The following FOXP1 variants were observed in gnomAD, a reference collection of about 807,000 sequenced individuals.
FOXP1 encodes forkhead box protein P1.
In FOXP1, 15 loss-of-function variants were observed where a neutral mutation model predicts 98.2. That is an observed-to-expected ratio of 0.15 (90% CI 0.10 to 0.24). The LOEUF (loss-of-function observed/expected upper bound fraction) is 0.24, where lower values mean the gene tolerates loss of function less well. Among genes scored for constraint, FOXP1 ranks in the 10% least tolerant of loss-of-function variants. The pLI, the probability that FOXP1 is intolerant of heterozygous loss-of-function variation, is 1.00. For missense variants in FOXP1, 633 were observed against 848.5 expected (o/e 0.75, Z 3.15); for synonymous variants, 371 against 314.5 (o/e 1.18, Z -1.90).
At chr3:71,113,156 G>A (rs1010647645) in intron 6 of FOXP1, among the ~76,000 whole-genome samples, 8 of 152,286 alleles carry the variant, frequency 5.3e-5, no homozygotes, top group Admixed American at 4.6e-4. Context: ...AGGCTACGTA[G>A]AAAGGAAGAT....
intron 2 of FOXP1, among the ~76,000 whole-genome samples, chr3:71,504,797 T>C (rs1250453993): frequency 6.6e-6 from 1 of 152,210 alleles, no homozygotes; most frequent in African/African-American, 2.4e-5. Flanking sequence ...CGCTGGTCCT[T>C]CACCCTGGTG....
rs746950766 is a variant in FOXP1, at chr3:71,437,411, GCAAAACAAAA to G, written c.-168+56005_-168+56014del. 9.9e-5 allele frequency among the ~76,000 whole-genome samples: 15 copies of G among 151,964 alleles called. 1 individual carries two copies. Among genetic ancestry groups the G allele is most frequent in the African/African-American group, 3.4e-4 (14 of 41,356 alleles). The stretch of plus-strand genomic sequence containing the variant: ...GACAGAATGAGACCCTGTCTCAAAA[GCAAAACAAAA>G]CAAAACAAAACAAACAGAAAACAAA... On this transcript the variant is annotated intron_variant, in intron 3 of 20. Transcript: ENST00000649528.
intron 13 of FOXP1, among the ~76,000 whole-genome samples, chr3:70,991,744 T>G (rs2040632525): frequency 6.6e-6 from 1 of 152,204 alleles, no homozygotes; most frequent in Non-Finnish European, 1.5e-5. Flanking sequence ...AATCCATTAA[T>G]CCTATTCTGT....
chr3:71,203,205 A>G lies in FOXP1; in HGVS notation c.-11-4813T>C, dbSNP rs71298373. On this transcript the variant is annotated intron_variant, in intron 5 of 20. Coordinates refer to ENST00000649528, the MANE Select transcript of FOXP1 (RefSeq NM_001349338.3). ...CCTGTTTAAATCACGTGATCCATTT[A>G]ATATAACCCTACAAAGGTCAATGCT... 7.1e-3 allele frequency among the ~76,000 whole-genome samples: 1,074 copies of G among 152,330 alleles called. 9 individuals carry two copies. Among genetic ancestry groups the G allele is most frequent in the Non-Finnish European group, 0.01 (710 of 68,034 alleles).
intron 7 of FOXP1, among the ~76,000 whole-genome samples, chr3:71,073,495 G>GACT (rs1271700388): frequency 1.3e-5 from 2 of 152,186 alleles, no homozygotes; most frequent in African/African-American, 4.8e-5. Context: ...ACTGCACATA[G>GACT]AGAAGGCTAC....
intron 2 of FOXP1, among the ~76,000 whole-genome samples, chr3:71,547,354 C>T (rs1444767473): frequency 6.6e-6 from 1 of 152,160 alleles, no homozygotes; most frequent in African/African-American, 2.4e-5. Context: ...CCAGCAAGAA[C>T]GCTCTTCTTT....
chr3:71,503,356 C>T (rs75511146), intron 2 of FOXP1, among the ~76,000 whole-genome samples: 5 of 152,096 alleles, frequency 3.3e-5, no homozygotes, highest in Admixed American at 6.5e-5. Context: ...AAGCCCCCAG[C>T]CCCCAAATCA....
chr3:71,179,158 G>A (rs113983749), intron 6 of FOXP1, among the ~76,000 whole-genome samples: 22,791 of 133,440 alleles, frequency 0.17, 2,231 homozygotes, highest in African/African-American at 0.29. Context: ...TTTTTGAGAC[G>A]GAGTCACTTT....
intron 4 of FOXP1, among the ~76,000 whole-genome samples, chr3:71,307,370 GAA>G (rs2107602983): frequency 6.6e-6 from 1 of 152,288 alleles, no homozygotes. Flanking sequence ...GAAGATCACT[GAA>G]AAGTTTTAAA....
intron 19 of FOXP1, 127 bp downstream of exon 19, chr3:70,970,609 T>C (rs1254464087): frequency 2.4e-6 from 2 of 834,388 alleles, no homozygotes. Context: ...TGATGCTTTG[T>C]GCACTTAAGA....
chr3:71,495,203 A>G (rs1401260320), intron 2 of FOXP1, among the ~76,000 whole-genome samples: 10 of 152,222 alleles, frequency 6.6e-5, no homozygotes, highest in Admixed American at 2.0e-4. Flanking sequence ...CCATGAGCCC[A>G]TTCTTTACAC....
At chr3:71,440,915 A>G (rs539031239) in intron 3 of FOXP1, among the ~76,000 whole-genome samples, 2 of 152,258 alleles carry the variant, frequency 1.3e-5, no homozygotes, top group South Asian at 4.1e-4. Context: ...TTGGAAAACT[A>G]AACAAGCAAA....
chr3:71,481,315 T>C (rs1375407555), intron 3 of FOXP1, among the ~76,000 whole-genome samples: 1 of 152,236 alleles, frequency 6.6e-6, no homozygotes, highest in Non-Finnish European at 1.5e-5. Flanking sequence ...AGATATGACC[T>C]ACCCAAGATT....
At chr3:71,503,048 A>G (rs535684691) in intron 2 of FOXP1, among the ~76,000 whole-genome samples, 15 of 151,710 alleles carry the variant, frequency 9.9e-5, no homozygotes, top group Non-Finnish European at 2.1e-4. Context: ...TTGGAAAAGG[A>G]GTAAAATAAC....
At chr3:71,038,028 CATTA>C (rs2047839699) in intron 11 of FOXP1, among the ~76,000 whole-genome samples, 1 of 152,154 alleles carries the variant, frequency 6.6e-6, no homozygotes, top group Non-Finnish European at 1.5e-5. Context: ...GTGCCAAGCA[CATTA>C]TTTATCTCCT....
In FOXP1 at chr3:71,331,324, G is replaced by A. The variant is rs187726499; in HGVS notation, c.-73+27826C>T. ...CTCCCTGGGCCTTAGCTGCCTCCCC[G>A]CGGGGCAGGGCTTAGGACCTGCAGC... is the stretch of plus-strand genomic sequence containing the variant. On this transcript the variant is annotated intron_variant, in intron 4 of 20. Transcript: ENST00000649528. Among the ~76,000 whole-genome samples, 735 of 152,256 alleles carry A rather than the reference G, an allele frequency of 4.8e-3. 5 individuals carry two copies. The highest frequency in any genetic ancestry group is 0.016 in the African/African-American group (645 of 41,540).
chr3:71,353,837 C>A (rs2077962518), intron 4 of FOXP1, among the ~76,000 whole-genome samples: 1 of 151,990 alleles, frequency 6.6e-6, no homozygotes, highest in Non-Finnish European at 1.5e-5. Flanking sequence ...CATGGTGGAA[C>A]AATATAGCAA....
chr3:71,411,278 C>CGT (rs58267668), intron 3 of FOXP1, among the ~76,000 whole-genome samples: 28,759 of 141,472 alleles, frequency 0.2, 3,115 homozygotes, highest in East Asian at 0.5. Flanking sequence ...GCTGAATGGG[C>CGT]GTGTGTGTGT....
At chr3:71,019,448 G>C (rs1210452326) in intron 11 of FOXP1, among the ~76,000 whole-genome samples, 1 of 152,174 alleles carries the variant, frequency 6.6e-6, no homozygotes, top group Non-Finnish European at 1.5e-5. Flanking sequence ...TGTTTAATAA[G>C]GTGTATTTTA....
Sources: allele counts gnomAD v4.1 joint callset (sites outside exome capture counted in the v4.1 genomes callset), GRCh38; gene constraint gnomAD v4.1.1; transcripts MANE v1.5; gene names NCBI Gene and HGNC (gene_info 2026-07-23, HGNC 2026-07-21).